CASK: variants seen among roughly 807,000 people sequenced by gnomAD.
CASK encodes calcium/calmodulin dependent serine protein kinase, also known as peripheral plasma membrane protein CASK.
CASK carries 4 observed loss-of-function variants against 82.9 expected under a neutral mutation model. That is an observed-to-expected ratio of 0.05 (90% CI 0.02 to 0.11). The LOEUF (loss-of-function observed/expected upper bound fraction) is 0.11. CASK is among the 10% of genes least tolerant of loss of function. The probability of loss-of-function intolerance (pLI) is 1.00; values close to 1 mark genes in which losing one functional copy is unlikely to be tolerated. For missense variants in CASK, 358 were observed against 720.9 expected (o/e 0.50, Z 5.76); for synonymous variants, 259 against 253.5 (o/e 1.02, Z -0.20).
chrX:41,554,897 T>G (rs2065141802), intron 20 of CASK, among the ~76,000 whole-genome samples: 1 of 112,080 alleles, frequency 8.9e-6, no homozygotes, highest in Admixed American at 9.5e-5. Context: ...AAATTAAAAT[T>G]GAATATTAAT....
chrX:41,686,901 A>G (rs368891234), intron 5 of CASK, among the ~76,000 whole-genome samples: 1 of 112,180 alleles, frequency 8.9e-6, no homozygotes, highest in African/African-American at 3.2e-5. Context: ...CAAGAGAAAG[A>G]GGAAGCGTGA....
intron 22 of CASK, among the ~76,000 whole-genome samples, chrX:41,537,285 T>C (rs973460989): frequency 9.0e-6 from 1 of 111,703 alleles, no homozygotes; most frequent in Non-Finnish European, 1.9e-5. Context: ...CACACGGTCA[T>C]AGGGTTGAGA....
rs1214791630 is a variant in CASK at position 41,923,236 on chromosome X, G to T, written c.-248C>A. 9.4e-6 allele frequency: 1 copy of T among 106,396 alleles called. No individual in the cohort carries two copies. Among genetic ancestry groups the T allele is most frequent in the African/African-American group, 3.3e-5 (1 of 30,042 alleles). The allele number at this position is 106,396 out of a possible 1,213,427, so 8.8% of individuals were successfully genotyped here. On this transcript the variant is annotated 5_prime_UTR_variant, in exon 1 of 27. Coordinates refer to ENST00000378163, the MANE Select transcript of CASK (RefSeq NM_001367721.1). ...GGGCGGCCCGGGCCCGGCGCCGCCC[G>T]CCCGCCCGCTGCTTCTCGCGCTGCT...
intron 3 of CASK, among the ~76,000 whole-genome samples, chrX:41,750,956 A>G (rs1027876247): frequency 7.1e-5 from 8 of 112,929 alleles, no homozygotes; most frequent in African/African-American, 2.3e-4. Flanking sequence ...ACAGATTGGT[A>G]CTTATCTGCA....
At chrX:41,650,539 G>GT (rs1250304783) in intron 8 of CASK, among the ~76,000 whole-genome samples, 84 of 99,383 alleles carry the variant, frequency 8.5e-4, no homozygotes, top group Middle Eastern at 5.0e-3. Flanking sequence ...CATCTTATTT[G>GT]TTTTTTTTTT....
intron 5 of CASK, among the ~76,000 whole-genome samples, chrX:41,673,839 T>G (rs2067229177): frequency 1.9e-5 from 2 of 103,426 alleles, no homozygotes; most frequent in Non-Finnish European, 3.9e-5. Context: ...GTTTTTTTTT[T>G]TTTTTTTTTT....
At chrX:41,858,560 A>T (rs912995891) in intron 1 of CASK, among the ~76,000 whole-genome samples, 2 of 111,160 alleles carry the variant, frequency 1.8e-5, no homozygotes, top group Non-Finnish European at 3.8e-5. Context: ...CTACAGCGGA[A>T]ATGTCCTGCC....
rs760277976 is a variant in CASK, at chrX:41,517,770, TAGCAGCAGCAGCAGCAGCAGC to T, written c.*2629_*2649del. On this transcript the variant is annotated 3_prime_UTR_variant, in exon 27 of 27. Transcript: ENST00000378163. ...TTAGTGGACAATTGTAATGTAGCAG[TAGCAGCAGCAGCAGCAGCAGC>T]AGCAGCAGCAGCAGCAGCAGCAGCA... 1.2e-3 allele frequency: 815 copies of T among 708,138 alleles called. 6 individuals carry two copies. The African/African-American group carries it at 0.014, about 12-fold the overall frequency. The allele number at this position is 708,138 out of a possible 1,213,427, so 58.4% of individuals were successfully genotyped here. A position where few individuals can be genotyped will look rare whatever the true frequency, so the allele number is the denominator to read the frequency against.
intron 11 of CASK, among the ~76,000 whole-genome samples, chrX:41,616,807 C>A: frequency 1.8e-5 from 2 of 111,538 alleles, no homozygotes; most frequent in Middle Eastern, 9.3e-3. Flanking sequence ...CGGGGTTTCA[C>A]CATGTTGGCC....
At chrX:41,804,966 G>A (rs1358814931) in intron 2 of CASK, among the ~76,000 whole-genome samples, 3 of 111,820 alleles carry the variant, frequency 2.7e-5, no homozygotes, top group African/African-American at 6.5e-5. Context: ...GCTCTGTACC[G>A]CAGACTGATG....
chrX:41,591,765 G>A (rs898645001), intron 12 of CASK, among the ~76,000 whole-genome samples: 7 of 110,103 alleles, frequency 6.4e-5, no homozygotes, highest in Non-Finnish European at 1.3e-4. Flanking sequence ...GTGAGCCACC[G>A]TGCCCAGCCA....
intron 25 of CASK, among the ~76,000 whole-genome samples, chrX:41,527,324 G>A (rs894024851): frequency 1.8e-5 from 2 of 110,765 alleles, no homozygotes; most frequent in Non-Finnish European, 3.8e-5. Flanking sequence ...GAAAGAGCAC[G>A]CTCTAGAAAG....
intron 8 of CASK, among the ~76,000 whole-genome samples, chrX:41,643,110 T>TCTGTTTTGGTACGAGTACCATG (rs771051186): frequency 2.7e-5 from 3 of 111,668 alleles, no homozygotes; most frequent in Non-Finnish European, 5.6e-5. Flanking sequence ...GGTCTATATC[T>TCTGTTTTGGTACGAGTACCATG]CTGTTTTGGT....
intron 14 of CASK, among the ~76,000 whole-genome samples, chrX:41,579,279 T>C (rs993585881): frequency 1.8e-5 from 2 of 112,156 alleles, no homozygotes; most frequent in African/African-American, 6.5e-5. Flanking sequence ...TTCCAAAATA[T>C]CACGTATGAT....
intron 5 of CASK, among the ~76,000 whole-genome samples, chrX:41,713,392 G>C (rs1410884396): frequency 8.9e-6 from 1 of 112,258 alleles, no homozygotes; most frequent in Non-Finnish European, 1.9e-5. Context: ...GGCCAGCGTG[G>C]TGGACTGGAC....
chrX:41,676,637 C>T, intron 5 of CASK: 1 of 476,756 alleles, frequency 2.1e-6, no homozygotes, highest in South Asian at 3.5e-5. Flanking sequence ...TGGGAAATCA[C>T]CATAAGGTTT....
chrX:41,634,537 A>G (rs1158093582), intron 9 of CASK, among the ~76,000 whole-genome samples: 1 of 112,374 alleles, frequency 8.9e-6, no homozygotes, highest in Admixed American at 9.5e-5. Context: ...TTTAGGCCCA[A>G]GTCTGATTCT....
chrX:41,671,826 A>AT (rs1423383342), intron 5 of CASK, among the ~76,000 whole-genome samples: 1 of 111,107 alleles, frequency 9.0e-6, no homozygotes, highest in Non-Finnish European at 1.9e-5. Flanking sequence ...ACACAGATAC[A>AT]TTTTTTTTGC....
intron 11 of CASK, among the ~76,000 whole-genome samples, chrX:41,617,164 T>C (rs1424261712): frequency 8.9e-6 from 1 of 112,305 alleles, no homozygotes; most frequent in Non-Finnish European, 1.9e-5. Context: ...CAAAGCTGTG[T>C]TGACAGGACC....
Sources: gnomAD v4.1 joint callset for allele counts (sites outside exome capture counted in the v4.1 genomes callset) on GRCh38, gnomAD v4.1.1 for gene constraint, MANE v1.5 for transcripts, NCBI Gene and HGNC (gene_info 2026-07-23, HGNC 2026-07-21) for gene names.